Variants in MLIP observed in about 807,000 individuals in gnomAD.
The protein encoded by MLIP is muscular LMNA-interacting protein.
Under a neutral mutation model 84.8 loss-of-function variants are expected in MLIP, and 79 were observed. The observed-to-expected ratio is 0.93, with a 90% CI of 0.78 to 1.12. MLIP has a LOEUF of 1.12. MLIP is among the 50% of genes most tolerant of loss of function. The pLI, the probability that MLIP is intolerant of heterozygous loss-of-function variation, is 0.00. For missense variants in MLIP, 1,257 were observed against 1,160.6 expected, an observed-to-expected ratio of 1.08 and a Z score of -1.21; for synonymous variants, 504 against 463.0, an observed-to-expected ratio of 1.09 and a Z score of -1.14.
At chr6:54,096,650 G>C (rs1232982339) in intron 1 of MLIP, among the ~76,000 whole-genome samples, 3 of 152,096 alleles carry the variant, frequency 2.0e-5, no homozygotes, top group Non-Finnish European at 2.9e-5. Context: ...GCTCCATTGG[G>C]TCTGCTTCAT....
chr6:54,084,652 A>G (rs1263973896), intron 1 of MLIP, among the ~76,000 whole-genome samples: 1 of 152,160 alleles, frequency 6.6e-6, no homozygotes, highest in Non-Finnish European at 1.5e-5. Context: ...CAAATTCAGG[A>G]ATTATTTTTT....
Position 54,138,653 on chromosome 6 carries a change from T to TA in MLIP, c.2217+368dup, listed in dbSNP as rs1370027284. ...GGACTATGATATGTTTCTGATTGTTTATTAACAGGGACCCTAGCATCCATC... is the reference window on the plus strand; with the variant it reads ...GGACTATGATATGTTTCTGATTGTTTAATTAACAGGGACCCTAGCATCCATC... On this transcript the variant is annotated intron_variant, in intron 4 of 13. Coordinates refer to ENST00000502396, the MANE Select transcript of MLIP (RefSeq NM_001281747.2). 5.3e-5 allele frequency among the ~76,000 whole-genome samples: 8 copies of TA among 152,328 alleles called. No individual in the cohort carries two copies. The East Asian group carries it at 1.3e-3, about 26-fold the overall frequency.
At chr6:54,212,417 G>T (rs184864772) in intron 11 of MLIP, among the ~76,000 whole-genome samples, 8 of 152,220 alleles carry the variant, frequency 5.3e-5, no homozygotes, top group Admixed American at 1.3e-4. Flanking sequence ...AAAAGAGGGG[G>T]GAAAACAAGT....
At chr6:54,071,686 A>G (rs1000873494) in intron 1 of MLIP, among the ~76,000 whole-genome samples, 1 of 152,188 alleles carries the variant, frequency 6.6e-6, no homozygotes, top group African/African-American at 2.4e-5. Flanking sequence ...TGTCCCTGGT[A>G]ACATCTTTGG....
At chr6:54,134,254 C>T (rs914907533) in intron 3 of MLIP, among the ~76,000 whole-genome samples, 4 of 151,944 alleles carry the variant, frequency 2.6e-5, no homozygotes, top group Admixed American at 2.0e-4. Context: ...ATTTTCATGC[C>T]TTTACTTCCT....
At chr6:54,048,537 C>T (rs994638963) in intron 1 of MLIP, among the ~76,000 whole-genome samples, 16 of 152,162 alleles carry the variant, frequency 1.1e-4, no homozygotes, top group African/African-American at 3.9e-4. Context: ...ATAACTGCAA[C>T]TGGCTTCGAT....
chr6:54,192,773 G>A (rs1778038410), intron 10 of MLIP, among the ~76,000 whole-genome samples: 1 of 152,044 alleles, frequency 6.6e-6, no homozygotes, highest in South Asian at 2.1e-4. Context: ...TATTGGAAAT[G>A]TATGATACTT....
chr6:54,251,592 C>A (rs1206476469), intron 12 of MLIP, among the ~76,000 whole-genome samples: 2 of 79,436 alleles, frequency 2.5e-5, no homozygotes, highest in Non-Finnish European at 4.1e-5. Context: ...ATATATAATA[C>A]AAATATATAT....
At chr6:54,172,662 G>T (rs1775885064) in intron 9 of MLIP, among the ~76,000 whole-genome samples, 1 of 151,132 alleles carries the variant, frequency 6.6e-6, no homozygotes, top group Non-Finnish European at 1.5e-5. Context: ...AAAGTGTATG[G>T]CTAATTCCAC....
At chr6:54,216,792 AT>A in intron 11 of MLIP, 2 of 985,380 alleles carry the variant, frequency 2.0e-6, no homozygotes, top group Non-Finnish European at 2.4e-6. Flanking sequence ...ATGCCATATA[AT>A]CGAAACCAAT....
At chr6:54,194,647 TTC>T (rs1248049785) in intron 10 of MLIP, among the ~76,000 whole-genome samples, 1 of 152,250 alleles carries the variant, frequency 6.6e-6, no homozygotes, top group East Asian at 1.9e-4. Flanking sequence ...AAAGTATATA[TTC>T]TGTTTTACTT....
At chr6:54,114,817 A>G (rs1471605952) in intron 1 of MLIP, among the ~76,000 whole-genome samples, 1 of 152,214 alleles carries the variant, frequency 6.6e-6, no homozygotes, top group Non-Finnish European at 1.5e-5. Context: ...TGAATAAATG[A>G]AAGTAAGTAG....
chr6:54,111,352 T>C (rs1769447185), upstream of MLIP: 1 of 1,418,530 alleles, frequency 7.0e-7, no homozygotes, highest in Non-Finnish European at 9.2e-7. Flanking sequence ...TCCTCAATTT[T>C]GGAATGACTC....
At chr6:54,081,970 T>A (rs964559799) in intron 1 of MLIP, among the ~76,000 whole-genome samples, 9 of 152,148 alleles carry the variant, frequency 5.9e-5, no homozygotes, top group African/African-American at 1.4e-4. Context: ...TAGCTCTCCC[T>A]GTCTCATTCT....
At chr6:54,061,628 G>A (rs566023537) in intron 1 of MLIP, among the ~76,000 whole-genome samples, 2 of 152,134 alleles carry the variant, frequency 1.3e-5, no homozygotes, top group African/African-American at 2.4e-5. Context: ...AAGTGGTATC[G>A]AATAAATGAG....
At chr6:54,196,482 A>G (rs560931978) in intron 10 of MLIP, among the ~76,000 whole-genome samples, 1 of 152,234 alleles carries the variant, frequency 6.6e-6, no homozygotes, top group East Asian at 1.9e-4. Flanking sequence ...AATGGCTTCC[A>G]GCTCCATTCA....
intron 11 of MLIP, chr6:54,217,921 C>T (rs1779961194): frequency 9.1e-6 from 9 of 985,250 alleles, no homozygotes; most frequent in Non-Finnish European, 1.1e-5. Flanking sequence ...TATTAGGTAC[C>T]AACCTCAAGA....
intron 1 of MLIP, among the ~76,000 whole-genome samples, chr6:54,098,923 C>G (rs940634687): frequency 1.3e-5 from 2 of 152,126 alleles, no homozygotes; most frequent in African/African-American, 4.8e-5. Flanking sequence ...CAAGGTTTCA[C>G]TGCTATTAAG....
chr6:54,112,532 T>C (rs1040385500), intron 1 of MLIP, among the ~76,000 whole-genome samples: 7 of 152,208 alleles, frequency 4.6e-5, no homozygotes, highest in African/African-American at 1.7e-4. Context: ...TGAAGATATG[T>C]ATGTGGACAG....
Sources: allele counts gnomAD v4.1 joint callset (sites outside exome capture counted in the v4.1 genomes callset), GRCh38; gene constraint gnomAD v4.1.1; transcripts MANE v1.5; gene names NCBI Gene and HGNC (gene_info 2026-07-23, HGNC 2026-07-21).